The following SPECC1 variants were observed in gnomAD, a reference collection of about 807,000 sequenced individuals.
SPECC1 encodes sperm antigen with calponin homology and coiled-coil domains 1.
A neutral mutation model predicts 104.1 loss-of-function variants in SPECC1; 62 were observed. The observed-to-expected ratio is 0.60, with a 90% CI of 0.49 to 0.74. SPECC1 has a LOEUF of 0.74. Among genes scored for constraint, SPECC1 ranks in the 30% least tolerant of loss-of-function variants. SPECC1 has a pLI of 0.00. For synonymous variants in SPECC1, 513 were observed against 501.6 expected (o/e 1.02, Z -0.30); for missense variants, 1,306 against 1,310.5 (o/e 1.00, Z 0.05).
In SPECC1 at chr17:20,257,542, G is replaced by A. The variant is rs2039877148; in HGVS notation, c.2772G>A (p.Leu924=). Reference sequence around the variant, plus strand: ...AGTCACTGAGCAGACCCCCGTCTCTGGGCTTTGGGGACACAAGACTGCTGA... The same window carrying A: ...AGTCACTGAGCAGACCCCCGTCTCTAGGCTTTGGGGACACAAGACTGCTGA... ...SLESLSRPPS[L]GFGDTRLLSA... The change falls in exon 11 of 15, where the codon CTG becomes CTA. Residue 924 remains leucine (L), a synonymous_variant. Coordinates refer to ENST00000395527, the MANE Select transcript of SPECC1 (RefSeq NM_001243439.2). 4 of 1,613,562 alleles carry A rather than the reference G, an allele frequency of 2.5e-6. No homozygotes were observed. The East Asian group carries it at 8.9e-5, about 36-fold the overall frequency.
chr17:20,192,269 C>G lies in SPECC1; in HGVS notation c.284-12064C>G, dbSNP rs548110082. Among the ~76,000 whole-genome samples the G allele has an allele frequency of 1.1e-4, 17 of 152,134 alleles. 1 individual carries two copies. The South Asian group carries it at 3.6e-3, about 32-fold the overall frequency. ...GGATTACAGGTGTGAGCCATTACAC[C>G]GAGCCCTCATTATCTTACTGTTGAG... On this transcript the variant is annotated intron_variant, in intron 3 of 14. Transcript: ENST00000395527.
chr17:20,017,583 C>G (rs542111135), intron 1 of SPECC1: 2 of 152,470 alleles, frequency 1.3e-5, no homozygotes, highest in Admixed American at 6.5e-5. Flanking sequence ...CATTCCTGTC[C>G]TCTTACTTCT....
chr17:20,155,963 A>G, intron 3 of SPECC1: 1 of 1,250,138 alleles, frequency 8.0e-7, no homozygotes, highest in Non-Finnish European at 1.0e-6. Flanking sequence ...ATGCAGATGA[A>G]GGGGGCGGGC....
intron 1 of SPECC1, among the ~76,000 whole-genome samples, chr17:20,069,480 GT>G (rs1233524697): frequency 6.6e-6 from 1 of 152,146 alleles, no homozygotes; most frequent in African/African-American, 2.4e-5. Context: ...GAATTACAAA[GT>G]TTTAGCTCTT....
chr17:20,304,445 G>C (rs2041695841), intron 13 of SPECC1, among the ~76,000 whole-genome samples: 1 of 152,040 alleles, frequency 6.6e-6, no homozygotes, highest in Non-Finnish European at 1.5e-5. Context: ...TGATTCTTAG[G>C]TTCATCTAGA....
At chr17:20,190,811 T>C (rs1397670636) in intron 3 of SPECC1, among the ~76,000 whole-genome samples, 1 of 152,080 alleles carries the variant, frequency 6.6e-6, no homozygotes, top group African/African-American at 2.4e-5. Flanking sequence ...CTCCCTCCCT[T>C]GGGGGTGGGG....
chr17:20,298,330 C>T (rs1311621479), intron 13 of SPECC1, among the ~76,000 whole-genome samples: 1 of 139,636 alleles, frequency 7.2e-6, no homozygotes, highest in Non-Finnish European at 1.6e-5. Flanking sequence ...CAAGACTCCT[C>T]AAAAAAAAAA....
chr17:20,068,548 G>A (rs2152478877), intron 1 of SPECC1, among the ~76,000 whole-genome samples: 1 of 152,114 alleles, frequency 6.6e-6, no homozygotes, highest in East Asian at 1.9e-4. Flanking sequence ...GTAACTTTTT[G>A]AGGGACTCCC....
intron 1 of SPECC1, among the ~76,000 whole-genome samples, chr17:20,019,648 C>A (rs2044293621): frequency 6.6e-6 from 1 of 152,152 alleles, no homozygotes; most frequent in Non-Finnish European, 1.5e-5. Context: ...GGGTTCTGTG[C>A]TGATAGCAGG....
intron 12 of SPECC1, 132 bp downstream of exon 12, chr17:20,260,426 A>C: frequency 1.4e-6 from 1 of 708,226 alleles, no homozygotes; most frequent in Non-Finnish European, 2.2e-6. Context: ...TCTCCTAGGC[A>C]GGGCTGCCAG....
At position 20,213,428 on chromosome 17, in the gene SPECC1, C is replaced by T. The variant is rs534780967; in HGVS notation, c.1863+7516C>T. Among the ~76,000 whole-genome samples, 14 of 152,232 alleles carry T rather than the reference C, an allele frequency of 9.2e-5. No homozygotes were observed. The South Asian group carries it at 2.1e-3, about 23-fold the overall frequency. The stretch of plus-strand genomic sequence containing the variant: ...ATAATCACTGATTTAGACTGCTGCC[C>T]AGTTACCTGAAAGCAAAGAAGAGAC... On this transcript the variant is annotated intron_variant, in intron 4 of 14. Coordinates refer to ENST00000395527, the MANE Select transcript of SPECC1 (RefSeq NM_001243439.2).
intron 1 of SPECC1, among the ~76,000 whole-genome samples, chr17:20,077,962 CA>C (rs2046825966): frequency 6.6e-6 from 1 of 151,578 alleles, no homozygotes; most frequent in African/African-American, 2.4e-5. Context: ...AGTGAGGAAA[CA>C]AAAGCTAAAT....
intron 1 of SPECC1, among the ~76,000 whole-genome samples, chr17:20,068,334 A>T (rs1487937061): frequency 6.6e-6 from 1 of 152,182 alleles, no homozygotes; most frequent in East Asian, 1.9e-4. Context: ...CTTTTTACTG[A>T]TGGATAATAT....
intron 1 of SPECC1, chr17:20,017,168 C>A (rs780796916): frequency 4.6e-5 from 7 of 152,326 alleles, no homozygotes; most frequent in African/African-American, 1.4e-4. Flanking sequence ...GGTCGCATTC[C>A]GCGCTGCTGA....
intron 3 of SPECC1, chr17:20,156,058 G>A (rs2032461303): frequency 1.8e-5 from 23 of 1,295,752 alleles, no homozygotes; most frequent in Non-Finnish European, 2.1e-5. Context: ...GCTGGGAACT[G>A]GAAGGCGCCC....
chr17:20,138,763 A>G (rs919139311), intron 3 of SPECC1, among the ~76,000 whole-genome samples: 3 of 152,192 alleles, frequency 2.0e-5, no homozygotes, highest in Non-Finnish European at 4.4e-5. Context: ...TTATTTATCC[A>G]TTCTCCTACT....
chr17:20,282,226 G>C (rs1234681770), intron 12 of SPECC1, among the ~76,000 whole-genome samples: 2 of 152,228 alleles, frequency 1.3e-5, no homozygotes, highest in East Asian at 3.9e-4. Context: ...CCTGAGATGT[G>C]TATCTTCTGT....
intron 4 of SPECC1, among the ~76,000 whole-genome samples, chr17:20,209,826 G>A (rs1230581213): frequency 6.6e-6 from 1 of 152,154 alleles, no homozygotes; most frequent in Non-Finnish European, 1.5e-5. Context: ...CTTTTCAGTT[G>A]TTTGGGATCT....
intron 1 of SPECC1, among the ~76,000 whole-genome samples, chr17:20,051,017 AT>A (rs2045719212): frequency 6.6e-6 from 1 of 152,236 alleles, no homozygotes; most frequent in South Asian, 2.1e-4. Context: ...ATGGAAAAAC[AT>A]AGCATAGTAG....
Sources: allele counts gnomAD v4.1 joint callset (sites outside exome capture counted in the v4.1 genomes callset), GRCh38; gene constraint gnomAD v4.1.1; transcripts MANE v1.5; gene names NCBI Gene and HGNC (gene_info 2026-07-23, HGNC 2026-07-21).